The following NSUN2 variants were observed in gnomAD, a reference collection of about 807,000 sequenced individuals.
The protein encoded by NSUN2 is RNA cytosine C(5)-methyltransferase NSUN2.
In NSUN2, 63 loss-of-function variants were observed where a neutral mutation model predicts 92.7. That is an observed-to-expected ratio of 0.68 (90% CI 0.56 to 0.84). The LOEUF is 0.84. Ranked by LOEUF, NSUN2 falls within the 40% of genes least tolerant of loss-of-function variation. The pLI is 0.00. For synonymous variants in NSUN2, 356 were observed against 348.3 expected, an observed-to-expected ratio of 1.02 and a Z score of -0.25; for missense variants, 989 against 964.9, an observed-to-expected ratio of 1.02 and a Z score of -0.33.
intron 15 of NSUN2, 118 bp downstream of exon 15, chr5:6,605,155 C>A: frequency 7.3e-7 from 1 of 1,373,790 alleles, no homozygotes. Context: ...GGACCCACAG[C>A]CAGCGCTACA....
chr5:6,613,654 A>AT (rs1737090102), intron 9 of NSUN2, among the ~76,000 whole-genome samples: 1 of 152,252 alleles, frequency 6.6e-6, no homozygotes, highest in Non-Finnish European at 1.5e-5. Flanking sequence ...GATAAGCCTC[A>AT]TTTTAAAGGT....
chr5:6,610,979 A>G lies in NSUN2; in HGVS notation c.1202T>C (p.Leu401Pro). ...TMFPPKDPEK[L>P]QAMHLERCLR... ...CCATCGCTCCAGGTGCATGGCCTGCAGCTTTTCTGGGTCCTTCGGAGGGAA... is the reference window on the plus strand; with the variant it reads ...CCATCGCTCCAGGTGCATGGCCTGCGGCTTTTCTGGGTCCTTCGGAGGGAA... The change falls in exon 11 of 19, where the codon CTG (leucine) becomes CCG (proline). Residue 401 changes from leucine (L) to proline (P), a missense_variant. Transcript: ENST00000264670. The G allele has an allele frequency of 6.2e-7, 1 of 1,614,158 alleles. No individual in the cohort carries two copies. The highest frequency in any genetic ancestry group is 1.6e-4 in the Middle Eastern group (1 of 6,062).
intron 14 of NSUN2, among the ~76,000 whole-genome samples, chr5:6,606,033 A>G (rs1736756404): frequency 6.6e-6 from 1 of 152,218 alleles, no homozygotes; most frequent in South Asian, 2.1e-4. Context: ...TTATTAAAAA[A>G]GACAGTAAGT....
chr5:6,626,561 T>C (rs868483560), intron 3 of NSUN2, among the ~76,000 whole-genome samples: 6 of 152,206 alleles, frequency 3.9e-5, no homozygotes, highest in African/African-American at 1.4e-4. Flanking sequence ...GTTGGCCAGC[T>C]TGGTCTCGAA....
intron 9 of NSUN2, among the ~76,000 whole-genome samples, chr5:6,612,979 A>G (rs1737064730): frequency 6.6e-6 from 1 of 152,242 alleles, no homozygotes; most frequent in African/African-American, 2.4e-5. Flanking sequence ...GGCTCAGCCA[A>G]GGTCTGCTCC....
At chr5:6,604,480 G>A (rs1407949362) in intron 16 of NSUN2, 125 bp downstream of exon 16, 2 of 981,186 alleles carry the variant, frequency 2.0e-6, no homozygotes, top group African/African-American at 3.2e-5. Context: ...TGAGGGTCAA[G>A]TGGCTGGTAG....
intron 6 of NSUN2, chr5:6,621,222 T>G (rs1475982268): frequency 6.6e-6 from 1 of 152,118 alleles, no homozygotes; most frequent in Non-Finnish European, 1.5e-5. Flanking sequence ...ACATACTGAT[T>G]CGTCCCATTT....
At chr5:6,601,407 C>T (rs1041900766) in intron 18 of NSUN2, among the ~76,000 whole-genome samples, 15 of 152,230 alleles carry the variant, frequency 9.9e-5, no homozygotes, top group South Asian at 2.1e-4. Context: ...AGACACCATC[C>T]GCCTCCAGCA....
chr5:6,610,768 G>A (rs1483126071), intron 11 of NSUN2, among the ~76,000 whole-genome samples, 187 bp downstream of exon 11: 1 of 151,748 alleles, frequency 6.6e-6, no homozygotes, highest in Non-Finnish European at 1.5e-5. Flanking sequence ...AATGCTCAAT[G>A]CCAGCAACAG....
At chr5:6,632,487 C>A in intron 2 of NSUN2, 112 bp downstream of exon 2, 1 of 1,305,314 alleles carries the variant, frequency 7.7e-7, no homozygotes. Context: ...ATCCAAACCG[C>A]TGAAACGCCA....
At position 6,611,076 on chromosome 5, in the gene NSUN2, T is replaced by C. The variant is rs1328515531; in HGVS notation, c.1105A>G (p.Lys369Glu). Residue 369 changes from lysine (K) to glutamate (E), a missense_variant, in exon 11 of 19, where the codon AAA becomes GAA. Lys to Glu is a moderately conservative substitution (Grantham distance 56, BLOSUM62 1). This residue lies in a region of NSUN2 where 626 missense variants were observed against 602.3 expected (regional missense o/e 1.04). Coordinates refer to ENST00000264670, the MANE Select transcript of NSUN2 (RefSeq NM_017755.6). ...CAGTCTGTAAACCACTGCCCATCTT[T>C]CGTCATTACCTGCAGAACCACAGGG... is the stretch of plus-strand genomic sequence containing the variant. ...PGITQWKVMT[K>E]DGQWFTDWDA... 8 of 1,614,158 alleles carry C rather than the reference T, an allele frequency of 5.0e-6. No homozygotes were observed. Among genetic ancestry groups the C allele is most frequent in the Non-Finnish European group, 6.8e-6 (8 of 1,180,028 alleles).
chr5:6,629,168 T>C (rs1218776573), intron 3 of NSUN2, among the ~76,000 whole-genome samples: 2 of 152,212 alleles, frequency 1.3e-5, no homozygotes, highest in East Asian at 3.8e-4. Flanking sequence ...AACAAAAACA[T>C]AGCTGGCTGT....
At chr5:6,625,319 G>A (rs1737613586) in intron 4 of NSUN2, among the ~76,000 whole-genome samples, 2 of 152,228 alleles carry the variant, frequency 1.3e-5, no homozygotes, top group Middle Eastern at 3.4e-3. Flanking sequence ...ACACAAGCAA[G>A]AGGAAACAAG....
chr5:6,626,988 C>T (rs529389936), intron 3 of NSUN2, among the ~76,000 whole-genome samples: 15 of 152,104 alleles, frequency 9.9e-5, no homozygotes, highest in African/African-American at 3.1e-4. Context: ...CTTAAAAGCC[C>T]GACACTGCTC....
chr5:6,611,977 G>C (rs542951367), intron 9 of NSUN2, among the ~76,000 whole-genome samples, 179 bp from the exon 10 acceptor site: 1 of 152,180 alleles, frequency 6.6e-6, no homozygotes, highest in Non-Finnish European at 1.5e-5. Flanking sequence ...ATGAGTGGCC[G>C]ATGGGGCTCA....
intron 15 of NSUN2, 106 bp downstream of exon 15, chr5:6,605,167 G>C: frequency 6.8e-7 from 1 of 1,463,852 alleles, no homozygotes. Flanking sequence ...AGCGCTACAG[G>C]TGGGGAGGGC....
At chr5:6,611,827 G>GT in intron 9 of NSUN2, 29 bp from the exon 10 acceptor site, 1 of 1,602,800 alleles carries the variant, frequency 6.2e-7, no homozygotes, top group South Asian at 1.1e-5. Flanking sequence ...GACGTCTTTT[G>GT]TTTTTCAAAA....
At chr5:6,629,375 G>A (rs1737776726) in intron 3 of NSUN2, among the ~76,000 whole-genome samples, 1 of 152,214 alleles carries the variant, frequency 6.6e-6, no homozygotes. Flanking sequence ...AAGCCTTATT[G>A]ACATCGTATG....
At chr5:6,606,311 T>A (rs1343521794) in intron 14 of NSUN2, among the ~76,000 whole-genome samples, 5 of 152,104 alleles carry the variant, frequency 3.3e-5, no homozygotes, top group African/African-American at 4.8e-5. Context: ...TGAGACGGAG[T>A]CTCGCTCTGT....
Sources: allele counts gnomAD v4.1 joint callset (sites outside exome capture counted in the v4.1 genomes callset), GRCh38; gene constraint gnomAD v4.1.1; regional missense constraint gnomAD v4.1.1; transcripts MANE v1.5; gene names NCBI Gene and HGNC (gene_info 2026-07-23, HGNC 2026-07-21).